Variants in KLF12 observed in about 807,000 individuals in gnomAD.
KLF12 encodes Krueppel-like factor 12.
In KLF12, 9 loss-of-function variants were observed where a neutral mutation model predicts 37.8. The ratio of observed to expected loss-of-function variants is 0.24; its 90% CI spans 0.14 to 0.42. The LOEUF is 0.42. Among genes scored for constraint, KLF12 ranks in the 10% least tolerant of loss-of-function variants. KLF12 has a pLI of 1.00. For synonymous variants in KLF12, 208 were observed against 202.1 expected, an observed-to-expected ratio of 1.03 and a Z score of -0.25; for missense variants, 411 against 516.0, an observed-to-expected ratio of 0.80 and a Z score of 1.97.
chr13:73,740,775 G>C (rs112494662), intron 6 of KLF12, among the ~76,000 whole-genome samples: 137 of 152,292 alleles, frequency 9.0e-4, no homozygotes, highest in African/African-American at 3.2e-3. Context: ...TAGGAGTCCT[G>C]CGGGGAAAGC....
intron 1 of KLF12, among the ~76,000 whole-genome samples, chr13:73,995,858 G>A (rs995311838): frequency 2.6e-5 from 4 of 152,110 alleles, no homozygotes; most frequent in Non-Finnish European, 5.9e-5. Flanking sequence ...CATTTCATGA[G>A]GCAAATTTTC....
At chr13:74,142,986 C>A in the KLF12 span, among the ~76,000 whole-genome samples, 1 of 150,418 alleles carries the variant, frequency 6.6e-6, no homozygotes, top group African/African-American at 2.4e-5. Flanking sequence ...TAAAGACCTT[C>A]CTTCCTTCCT....
chr13:74,154,625 T>C, the KLF12 span, among the ~76,000 whole-genome samples: 1 of 146,212 alleles, frequency 6.8e-6, no homozygotes, highest in Non-Finnish European at 1.5e-5. Flanking sequence ...CAAGTGTCTT[T>C]GCTTAGGGTT....
At position 73,764,554 on chromosome 13, in the gene KLF12, A is replaced by C. The variant is rs1053864486; in HGVS notation, c.869+384T>G. On this transcript the variant is annotated intron_variant, in intron 6 of 7. Coordinates refer to ENST00000377669, the MANE Select transcript of KLF12 (RefSeq NM_007249.5). ...TCACTGAGTTCGTTGTAATCCCCAAAACTAATGTAACAGATTCATTAACTG... is the reference window on the plus strand; with the variant it reads ...TCACTGAGTTCGTTGTAATCCCCAACACTAATGTAACAGATTCATTAACTG... 2.6e-5 allele frequency among the ~76,000 whole-genome samples: 4 copies of C among 152,268 alleles called. No homozygotes were observed. In the East Asian group the frequency reaches 7.7e-4, roughly 29 times the overall value.
At chr13:74,008,738 T>C (rs1310767424) in intron 1 of KLF12, among the ~76,000 whole-genome samples, 1 of 152,228 alleles carries the variant, frequency 6.6e-6, no homozygotes, top group East Asian at 1.9e-4. Flanking sequence ...CTATATTTTG[T>C]ACATGCACAA....
At chr13:74,161,861 A>G in the KLF12 span, among the ~76,000 whole-genome samples, 1 of 152,158 alleles carries the variant, frequency 6.6e-6, no homozygotes, top group Non-Finnish European at 1.5e-5. Context: ...CTCATGATAG[A>G]CTCAGGGGTC....
the KLF12 span, among the ~76,000 whole-genome samples, chr13:74,247,045 C>T: frequency 1.1e-4 from 16 of 152,216 alleles, no homozygotes; most frequent in Middle Eastern, 3.4e-3. Context: ...TCTGTGAAAA[C>T]GATCTTATTG....
In KLF12 at chr13:73,727,255, G is replaced by A. The variant is rs558369674; in HGVS notation, c.870-11730C>T. Among the ~76,000 whole-genome samples the A allele has an allele frequency of 2.7e-3, 412 of 152,220 alleles. 3 individuals are homozygous for A. Among genetic ancestry groups the A allele is most frequent in the Middle Eastern group, 0.02 (6 of 294 alleles). ...TTTTTTGTGATAAATATTTGGTGCT[G>A]TAAGATGGCTTGGACTAACATAAAG... On this transcript the variant is annotated intron_variant, in intron 6 of 7. Coordinates refer to ENST00000377669, the MANE Select transcript of KLF12 (RefSeq NM_007249.5).
the KLF12 span, among the ~76,000 whole-genome samples, chr13:74,213,872 A>G: frequency 6.6e-6 from 1 of 152,074 alleles, no homozygotes; most frequent in Admixed American, 6.6e-5. Flanking sequence ...CTGTTTTTTA[A>G]CTGTCAATTT....
chr13:73,715,318 CT>C (rs1278813716), intron 7 of KLF12, 49 bp downstream of exon 7: 2 of 1,566,522 alleles, frequency 1.3e-6, no homozygotes, highest in African/African-American at 2.7e-5. Flanking sequence ...GTGGCCGGCG[CT>C]TTATGGACTC....
At chr13:73,781,621 G>A (rs1255066710) in intron 5 of KLF12, among the ~76,000 whole-genome samples, 3 of 152,150 alleles carry the variant, frequency 2.0e-5, no homozygotes, top group African/African-American at 7.2e-5. Context: ...AATAGGCTGG[G>A]TCTGGAAATT....
the KLF12 span, among the ~76,000 whole-genome samples, chr13:74,277,688 G>A: frequency 1.3e-5 from 2 of 152,088 alleles, no homozygotes; most frequent in African/African-American, 2.4e-5. Context: ...CCCTTTCCCT[G>A]GATGAAAACT....
the KLF12 span, among the ~76,000 whole-genome samples, chr13:74,210,674 G>A: frequency 4.9e-4 from 75 of 152,246 alleles, no homozygotes; most frequent in African/African-American, 1.4e-3. Context: ...TATAACTTTA[G>A]TGCTTCCCTT....
chr13:73,914,266 G>T (rs1303995911), intron 3 of KLF12, among the ~76,000 whole-genome samples: 1 of 152,162 alleles, frequency 6.6e-6, no homozygotes, highest in Non-Finnish European at 1.5e-5. Flanking sequence ...CTCCCTATGT[G>T]GCTCACTCTG....
intron 1 of KLF12, among the ~76,000 whole-genome samples, chr13:74,063,089 C>T (rs1449867461): frequency 6.6e-6 from 1 of 152,200 alleles, no homozygotes; most frequent in Non-Finnish European, 1.5e-5. Flanking sequence ...TGCCGCACCT[C>T]CAGCTGCCTC....
intron 1 of KLF12, among the ~76,000 whole-genome samples, chr13:74,108,434 A>C (rs1344617437): frequency 6.6e-6 from 1 of 152,182 alleles, no homozygotes; most frequent in East Asian, 1.9e-4. Flanking sequence ...AAGTTAACAT[A>C]TTTATATCAA....
intron 3 of KLF12, among the ~76,000 whole-genome samples, chr13:73,908,996 G>T (rs1888447136): frequency 6.6e-6 from 1 of 152,194 alleles, no homozygotes; most frequent in Admixed American, 6.5e-5. Flanking sequence ...TGCACAGTTG[G>T]CATTGTGGCA....
At chr13:74,013,666 C>A (rs542403855) in intron 1 of KLF12, among the ~76,000 whole-genome samples, 1 of 152,090 alleles carries the variant, frequency 6.6e-6, no homozygotes, top group African/African-American at 2.4e-5. Flanking sequence ...TGGGCCCTTG[C>A]AAGGAGGAAT....
At chr13:73,949,484 A>G (rs1890565799) in intron 2 of KLF12, among the ~76,000 whole-genome samples, 1 of 152,136 alleles carries the variant, frequency 6.6e-6, no homozygotes, top group Non-Finnish European at 1.5e-5. Context: ...TGATGAGATT[A>G]TATGTTTCTA....
Sources: allele counts gnomAD v4.1 joint callset (sites outside exome capture counted in the v4.1 genomes callset), GRCh38; gene constraint gnomAD v4.1.1; transcripts MANE v1.5; gene names NCBI Gene and HGNC (gene_info 2026-07-23, HGNC 2026-07-21).